CTNNAL1: variants seen among roughly 807,000 people sequenced by gnomAD.
The protein encoded by CTNNAL1 is alpha-catulin.
A neutral mutation model predicts 93.6 loss-of-function variants in CTNNAL1; 69 were observed. The observed-to-expected ratio is 0.74, with a 90% CI of 0.61 to 0.90. The LOEUF (loss-of-function observed/expected upper bound fraction) is 0.90, where lower values mean the gene tolerates loss of function less well. Ranked by LOEUF, CTNNAL1 falls within the 40% of genes least tolerant of loss-of-function variation. The pLI is 0.00. For missense variants in CTNNAL1, 836 were observed against 862.0 expected (o/e 0.97, Z 0.38); for synonymous variants, 286 against 305.4 (o/e 0.94, Z 0.66).
In CTNNAL1 at chr9:108,970,408, G is replaced by A. The variant is rs1382720244; in HGVS notation, c.1434C>T (p.Gly478=). ...IHAEETFQVT[G]QQIISAAETL... Reference sequence around the variant, plus strand: ...CAATCTGCTATTATCATACCTGTTGGCCAGTCACCTGAAATGTCTCCTCTG... The same window carrying A: ...CAATCTGCTATTATCATACCTGTTGACCAGTCACCTGAAATGTCTCCTCTG... The change falls in exon 10 of 19, where the codon GGC becomes GGT. Residue 478 remains glycine (G), a synonymous_variant. Coordinates refer to ENST00000325551, the MANE Select transcript of CTNNAL1 (RefSeq NM_003798.4). 2 of 1,610,818 alleles carry A rather than the reference G, an allele frequency of 1.2e-6. No homozygotes were observed. The highest frequency in any genetic ancestry group is 2.2e-5 in the East Asian group (1 of 44,628).
At chr9:108,992,929 CT>C in intron 2 of CTNNAL1, 110 bp from the exon 3 acceptor site, 2 of 1,189,206 alleles carry the variant, frequency 1.7e-6, no homozygotes, top group Non-Finnish European at 2.3e-6. Context: ...GCTTTGGAGT[CT>C]TACTTCAGGA....
At chr9:108,994,935 G>A (rs1018699560) in intron 2 of CTNNAL1, among the ~76,000 whole-genome samples, 2 of 152,198 alleles carry the variant, frequency 1.3e-5, no homozygotes, top group African/African-American at 4.8e-5. Context: ...AGTGAAGCCT[G>A]CCAACAACCA....
chr9:108,968,490 G>A (rs1831020049), intron 10 of CTNNAL1, among the ~76,000 whole-genome samples: 1 of 152,222 alleles, frequency 6.6e-6, no homozygotes, highest in African/African-American at 2.4e-5. Context: ...AGCAACAACT[G>A]ATTGCATATG....
intron 14 of CTNNAL1, 72 bp from the exon 15 acceptor site, chr9:108,948,306 T>C (rs533725326): frequency 1.4e-6 from 2 of 1,406,968 alleles, no homozygotes; most frequent in Admixed American, 4.3e-5. Context: ...AATATTAAAA[T>C]TTTAGAGCAT....
At chr9:108,975,532 G>A (rs545724982) in intron 8 of CTNNAL1, among the ~76,000 whole-genome samples, 12 of 152,224 alleles carry the variant, frequency 7.9e-5, no homozygotes, top group African/African-American at 1.9e-4. Context: ...GCTACGTAAC[G>A]GAGGGTGAGG....
At chr9:108,989,678 T>G (rs2132170430) in intron 4 of CTNNAL1, among the ~76,000 whole-genome samples, 1 of 152,256 alleles carries the variant, frequency 6.6e-6, no homozygotes, top group African/African-American at 2.4e-5. Flanking sequence ...CAAGGAAAAG[T>G]CAATCCTAGA....
chr9:108,985,341 C>T (rs917498714), intron 4 of CTNNAL1, among the ~76,000 whole-genome samples: 8 of 152,158 alleles, frequency 5.3e-5, no homozygotes, highest in Non-Finnish European at 1.2e-4. Context: ...TATGTATGGA[C>T]ATTGAAATTT....
intron 15 of CTNNAL1, among the ~76,000 whole-genome samples, chr9:108,947,520 G>T (rs1830442250): frequency 6.6e-6 from 1 of 152,176 alleles, no homozygotes; most frequent in Non-Finnish European, 1.5e-5. Context: ...AATGCTCTTG[G>T]TTCTAGAGAG....
chr9:109,003,254 A>G (rs1826906308), intron 1 of CTNNAL1, among the ~76,000 whole-genome samples: 1 of 152,218 alleles, frequency 6.6e-6, no homozygotes, highest in African/African-American at 2.4e-5. Flanking sequence ...GCATATATCA[A>G]AGAGACTTGT....
rs1194772725 is a variant in CTNNAL1 at position 108,948,241 on chromosome 9, T to C, written c.1836-7A>G. The C allele has an allele frequency of 1.9e-6, 3 of 1,610,062 alleles. 1 individual carries two copies. In the South Asian group the frequency reaches 3.3e-5, roughly 18 times the overall value. ...TTTCAGTGGCCCCTCTCCTCTAAAA[T>C]AAAATTAATTGTTAAGAAGGTAACA... On this transcript the variant is annotated splice_region_variant and splice_polypyrimidine_tract_variant and intron_variant, in intron 14 of 18. Transcript: ENST00000325551.
intron 2 of CTNNAL1, among the ~76,000 whole-genome samples, chr9:108,994,936 C>A (rs1831958389): frequency 6.6e-6 from 1 of 152,134 alleles, no homozygotes; most frequent in Admixed American, 6.5e-5. Context: ...GTGAAGCCTG[C>A]CAACAACCAT....
chr9:109,001,588 C>T (rs1826831386), intron 1 of CTNNAL1, among the ~76,000 whole-genome samples: 1 of 152,204 alleles, frequency 6.6e-6, no homozygotes, highest in Admixed American at 6.5e-5. Flanking sequence ...ACAGTGGGAG[C>T]AAGCCAACTG....
chr9:109,003,999 A>G (rs1587994305), intron 1 of CTNNAL1, among the ~76,000 whole-genome samples: 2 of 152,190 alleles, frequency 1.3e-5, no homozygotes, highest in Admixed American at 1.3e-4. Context: ...CTTATTTCTA[A>G]CTAATAGAAT....
chr9:108,997,365 T>C (rs981068193), intron 2 of CTNNAL1, among the ~76,000 whole-genome samples: 2 of 152,198 alleles, frequency 1.3e-5, no homozygotes, highest in African/African-American at 4.8e-5. Context: ...CTCAACCTTC[T>C]CTCAGGCTGT....
At chr9:108,969,279 A>G (rs1223275897) in intron 10 of CTNNAL1, among the ~76,000 whole-genome samples, 1 of 152,098 alleles carries the variant, frequency 6.6e-6, no homozygotes, top group Non-Finnish European at 1.5e-5. Context: ...CAAAAAAAAA[A>G]AAAGGAGGAA....
chr9:109,008,876 C>CTTTTTTTTTTT (rs1162375548), intron 1 of CTNNAL1, among the ~76,000 whole-genome samples: 2 of 54,872 alleles, frequency 3.6e-5, no homozygotes, highest in Non-Finnish European at 6.9e-5. Context: ...AACAGAGGTT[C>CTTTTTTTTTTT]TTTTTTTTTT....
At chr9:108,972,978 T>C in intron 8 of CTNNAL1, 145 bp from the exon 9 acceptor site, 2 of 972,222 alleles carry the variant, frequency 2.1e-6, no homozygotes, top group Non-Finnish European at 2.9e-6. Flanking sequence ...GCAAAGCAGT[T>C]CCATGGGTTC....
chr9:108,974,771 G>A (rs1026169639), intron 8 of CTNNAL1, among the ~76,000 whole-genome samples: 6 of 152,170 alleles, frequency 3.9e-5, no homozygotes, highest in African/African-American at 1.4e-4. Flanking sequence ...AGGCTGCAGT[G>A]AGCCATGTTC....
In CTNNAL1 at chr9:108,972,661, C is replaced by T. The variant is rs1289958730; in HGVS notation, c.1347+14G>A. On this transcript the variant is annotated intron_variant, in intron 9 of 18. Transcript: ENST00000325551. ...TTATTAAACTACAATTTCTTTAGCA[C>T]CTTGTTTACTCACCTCAACAAGCTG... is the stretch of plus-strand genomic sequence containing the variant. 1 of 1,599,160 alleles carries T rather than the reference C, an allele frequency of 6.3e-7. No individual in the cohort carries two copies. The highest frequency in any genetic ancestry group is 1.4e-5 in the African/African-American group (1 of 74,046).
Sources: gnomAD v4.1 joint callset for allele counts (sites outside exome capture counted in the v4.1 genomes callset) on GRCh38, gnomAD v4.1.1 for gene constraint, MANE v1.5 for transcripts, NCBI Gene and HGNC (gene_info 2026-07-23, HGNC 2026-07-21) for gene names.